The following TIMM9 variants were observed in gnomAD, a reference collection of about 807,000 sequenced individuals.
TIMM9 encodes mitochondrial import inner membrane translocase subunit Tim9.
In TIMM9, 10 loss-of-function variants were observed where a neutral mutation model predicts 13.4. That is an observed-to-expected ratio of 0.75 (90% CI 0.46 to 1.26). The LOEUF is 1.26. Ranked by LOEUF, TIMM9 falls within the 50% of genes most tolerant of loss-of-function variation. The pLI is 0.00. For synonymous variants in TIMM9, 32 were observed against 32.1 expected (o/e 1.00, Z 0.01); for missense variants, 87 against 100.8 (o/e 0.86, Z 0.58).
At chr14:58,419,005 C>A (rs1862091443) in intron 3 of TIMM9, among the ~76,000 whole-genome samples, 1 of 151,934 alleles carries the variant, frequency 6.6e-6, no homozygotes, top group African/African-American at 2.4e-5. Flanking sequence ...ATAGCTAAAA[C>A]AAATTTGAAA....
intron 5 of TIMM9, among the ~76,000 whole-genome samples, chr14:58,409,771 G>A (rs1290117752): frequency 1.3e-5 from 2 of 151,718 alleles, no homozygotes; most frequent in Non-Finnish European, 2.9e-5. Context: ...GTAGAGACGG[G>A]GTTTCACTGT....
rs375239038 is a variant in TIMM9 at position 58,411,937 on chromosome 14, T to C, written c.9A>G (p.Ala3=). The stretch of plus-strand genomic sequence containing the variant: ...TTATCTGATCAGATTCTGGTATTTG[T>C]GCAGCCATATTCTTCTGGTACCTTT... MA[A]QIPESDQIKQ... The change falls in exon 4 of 6, where the codon GCA becomes GCG. Residue 3 remains alanine (A), a synonymous_variant. Transcript: ENST00000395159. The C allele has an allele frequency of 3.3e-5, 53 of 1,613,798 alleles. No individual in the cohort carries two copies. The highest frequency in any genetic ancestry group is 4.2e-5 in the Non-Finnish European group (49 of 1,179,812).
Position 58,409,090 on chromosome 14 carries a change from TATG to T in TIMM9, c.211_213del (p.His71del), listed in dbSNP as rs1219271998. On this transcript the variant is annotated inframe_deletion, in exon 6 of 6. Coordinates refer to ENST00000395159, the MANE Select transcript of TIMM9 (RefSeq NM_012460.4). Reference sequence around the variant, plus strand: ...GCTGCCAGGGCTTCATTCTGCTGAATATGATATTCCTGAAATCTCATGGATATT... The same window carrying T: ...GCTGCCAGGGCTTCATTCTGCTGAATATATTCCTGAAATCTCATGGATATT... The T allele has an allele frequency of 6.2e-7, 1 of 1,613,982 alleles. No individual in the cohort carries two copies. The highest frequency in any genetic ancestry group is 8.5e-7 in the Non-Finnish European group (1 of 1,180,002).
chr14:58,415,640 T>C (rs1363340726), intron 3 of TIMM9, among the ~76,000 whole-genome samples: 2 of 152,038 alleles, frequency 1.3e-5, no homozygotes, highest in African/African-American at 4.8e-5. Context: ...AGCCAGAAAA[T>C]AGAATTCTTC....
chr14:58,416,705 A>G (rs186374855), intron 3 of TIMM9, among the ~76,000 whole-genome samples: 1 of 152,344 alleles, frequency 6.6e-6, no homozygotes, highest in East Asian at 1.9e-4. Context: ...TATGTAGACA[A>G]TTAAGGTTTC....
intron 3 of TIMM9, among the ~76,000 whole-genome samples, chr14:58,413,306 G>A (rs772345996): frequency 1.1e-4 from 16 of 152,160 alleles, no homozygotes; most frequent in Non-Finnish European, 1.9e-4. Context: ...ATTTAACTCT[G>A]ACCCTTACTA....
At chr14:58,419,392 C>T (rs1437617375) in intron 3 of TIMM9, among the ~76,000 whole-genome samples, 2 of 148,426 alleles carry the variant, frequency 1.3e-5, no homozygotes, top group Non-Finnish European at 3.0e-5. Context: ...GAGGTAGAGG[C>T]TGCAGTAAGC....
chr14:58,419,494 CACACACACACAA>C (rs2036524031), intron 3 of TIMM9, among the ~76,000 whole-genome samples: 4 of 149,970 alleles, frequency 2.7e-5, no homozygotes, highest in African/African-American at 7.4e-5. Flanking sequence ...CACACACACA[CACACACACACAA>C]ACACATACAC....
intron 3 of TIMM9, among the ~76,000 whole-genome samples, chr14:58,422,313 T>C (rs1200463047): frequency 2.6e-5 from 4 of 152,018 alleles, no homozygotes; most frequent in Non-Finnish European, 4.4e-5. Context: ...CGGGGGTTTC[T>C]CCACATTGGT....
chr14:58,421,724 A>C (rs2036593494), intron 3 of TIMM9, among the ~76,000 whole-genome samples: 1 of 152,256 alleles, frequency 6.6e-6, no homozygotes, highest in African/African-American at 2.4e-5. Flanking sequence ...AAAAGATCTA[A>C]GAACTGGTAA....
chr14:58,419,482 CACACACACACACACACACACACAA>C (rs1234451309), intron 3 of TIMM9, among the ~76,000 whole-genome samples: 9 of 149,298 alleles, frequency 6.0e-5, no homozygotes, highest in Admixed American at 5.6e-4. Flanking sequence ...CACACACACA[CACACACACACACACACACACACAA>C]ACACATACAC....
chr14:58,415,295 G>A (rs903036183), intron 3 of TIMM9, among the ~76,000 whole-genome samples: 4 of 152,086 alleles, frequency 2.6e-5, no homozygotes, highest in Non-Finnish European at 4.4e-5. Flanking sequence ...TGATATGCAA[G>A]ATGTCCAGGC....
chr14:58,411,086 G>T, intron 4 of TIMM9, 148 bp from the exon 5 acceptor site: 2 of 594,584 alleles, frequency 3.4e-6, no homozygotes, highest in Non-Finnish European at 5.9e-6. Context: ...GGTACAGTAT[G>T]ATCTACAGAA....
Position 58,427,378 on chromosome 14 carries a change from G to A in TIMM9, c.-304+14C>T. On this transcript the variant is annotated intron_variant, in intron 1 of 5. Transcript: ENST00000395159. ...GACCCGAATCTGTCGAAACTTCTTG[G>A]AAGCCTAATTTACCTAATCCCACGT... is the stretch of plus-strand genomic sequence containing the variant. The A allele has an allele frequency of 2.2e-6, 1 of 459,064 alleles. No individual in the cohort carries two copies. Among genetic ancestry groups the A allele is most frequent in the South Asian group, 3.1e-5 (1 of 32,252 alleles). The allele number at this position is 459,064 out of a possible 1,614,324, so 28.4% of individuals were successfully genotyped here.
intron 3 of TIMM9, among the ~76,000 whole-genome samples, chr14:58,423,633 G>C (rs1245946307): frequency 6.6e-6 from 1 of 150,776 alleles, no homozygotes. Flanking sequence ...TTGCTAATTT[G>C]AGGTCTTCTA....
At chr14:58,419,045 T>C (rs1405556862) in intron 3 of TIMM9, among the ~76,000 whole-genome samples, 1 of 152,114 alleles carries the variant, frequency 6.6e-6, no homozygotes, top group Non-Finnish European at 1.5e-5. Flanking sequence ...GGAATTGGTC[T>C]ACCTGATTTC....
At chr14:58,418,854 T>C (rs562036950) in intron 3 of TIMM9, among the ~76,000 whole-genome samples, 2 of 152,240 alleles carry the variant, frequency 1.3e-5, no homozygotes, top group Admixed American at 6.5e-5. Flanking sequence ...AGACTCAATA[T>C]AGTAAGAATG....
chr14:58,412,129 T>G, intron 3 of TIMM9, 158 bp from the exon 4 acceptor site: 2 of 542,266 alleles, frequency 3.7e-6, no homozygotes, highest in South Asian at 2.7e-5. Flanking sequence ...CATAGAACCT[T>G]ACAGTTGAGA....
intron 3 of TIMM9, 159 bp from the exon 4 acceptor site, chr14:58,412,130 A>C: frequency 1.9e-6 from 1 of 535,706 alleles, no homozygotes; most frequent in Non-Finnish European, 3.3e-6. Context: ...ATAGAACCTT[A>C]CAGTTGAGAA....
Sources: allele counts gnomAD v4.1 joint callset (sites outside exome capture counted in the v4.1 genomes callset), GRCh38; gene constraint gnomAD v4.1.1; transcripts MANE v1.5; gene names NCBI Gene and HGNC (gene_info 2026-07-23, HGNC 2026-07-21).